ANKRD28: variants seen among roughly 807,000 people sequenced by gnomAD.
The protein encoded by ANKRD28 is serine/threonine-protein phosphatase 6 regulatory ankyrin repeat subunit A.
Under a neutral mutation model 126.5 loss-of-function variants are expected in ANKRD28, and 44 were observed. The ratio of observed to expected loss-of-function variants is 0.35; its 90% CI spans 0.27 to 0.45. The LOEUF is 0.45. Ranked by LOEUF, ANKRD28 falls within the 20% of genes least tolerant of loss-of-function variation. The pLI is 1.00. For synonymous variants in ANKRD28, 442 were observed against 468.5 expected (o/e 0.94, Z 0.73); for missense variants, 1,110 against 1,316.6 (o/e 0.84, Z 2.43).
intron 21 of ANKRD28, among the ~76,000 whole-genome samples, chr3:15,682,560 T>C (rs1441514168): frequency 6.6e-6 from 1 of 152,214 alleles, no homozygotes; most frequent in Non-Finnish European, 1.5e-5. Flanking sequence ...ATAATAAGTA[T>C]TCTTAAGTTC....
Position 15,814,378 on chromosome 3 carries a change from T to C in ANKRD28, c.28-19072A>G, listed in dbSNP as rs1473010592. Reference sequence around the variant, plus strand: ...TAGAAATTAAGGGCTATGTTATTTATAAATAACTAGTACCTTAACAAAACA... The same window carrying C: ...TAGAAATTAAGGGCTATGTTATTTACAAATAACTAGTACCTTAACAAAACA... On this transcript the variant is annotated intron_variant, in intron 1 of 27. Transcript: ENST00000399451. The surrounding 1 kb of genome is among the most constrained non-coding windows in gnomAD (Gnocchi z 4.7). The C allele has an allele frequency of 1.2e-6, 1 of 800,284 alleles. No individual in the cohort carries two copies. Among genetic ancestry groups the C allele is most frequent in the African/African-American group, 1.9e-5 (1 of 53,924 alleles). 49.6% of individuals were successfully genotyped at this position (800,284 alleles called of 1,614,324 possible). A position where few individuals can be genotyped will look rare whatever the true frequency, so the allele number is the denominator to read the frequency against.
intron 19 of ANKRD28, 41 bp downstream of exon 19, chr3:15,686,181 T>C: frequency 6.3e-7 from 1 of 1,592,412 alleles, no homozygotes; most frequent in South Asian, 1.1e-5. Flanking sequence ...GTTTTCGAAA[T>C]ACGCCCTTCT....
rs193207462 is a variant in ANKRD28 at position 15,809,003 on chromosome 3, T to C, written c.28-13697A>G. Among the ~76,000 whole-genome samples, 536 of 152,230 alleles carry C rather than the reference T, an allele frequency of 3.5e-3. 10 individuals are homozygous for C. The highest frequency in any genetic ancestry group is 0.028 in the Admixed American group (428 of 15,280). On this transcript the variant is annotated intron_variant, in intron 1 of 27. Coordinates refer to the ANKRD28 transcript ENST00000399451. ...TCTACACACACCCCCCTTTTTTTTT[T>C]CTAGCTCCTTTTAATCTCTTTTTGG...
intron 3 of ANKRD28, among the ~76,000 whole-genome samples, chr3:15,763,615 A>G (rs1394094252): frequency 1.3e-5 from 2 of 152,232 alleles, no homozygotes; most frequent in Non-Finnish European, 2.9e-5. Flanking sequence ...ATGATGCGAC[A>G]TCTGAGCAAG....
At chr3:15,849,970 G>A (rs189891416) in intron 1 of ANKRD28, among the ~76,000 whole-genome samples, 51 of 151,672 alleles carry the variant, frequency 3.4e-4, no homozygotes, top group African/African-American at 1.2e-3. Context: ...GGTTGGAAGC[G>A]ATCTCTGACT....
intron 2 of ANKRD28, among the ~76,000 whole-genome samples, chr3:15,786,290 T>A (rs147330097): frequency 1.3e-5 from 2 of 152,200 alleles, no homozygotes; most frequent in East Asian, 3.9e-4. Flanking sequence ...CAGTAAAGTG[T>A]ATGAGAAATG....
chr3:15,766,392 A>C, intron 2 of ANKRD28, 80 bp from the exon 3 acceptor site: 1 of 966,510 alleles, frequency 1.0e-6, no homozygotes, highest in Non-Finnish European at 1.6e-6. Flanking sequence ...CACAACAACA[A>C]CCCCTCCCCC....
intron 1 of ANKRD28, among the ~76,000 whole-genome samples, chr3:15,827,559 A>C (rs1320223620): frequency 2.0e-5 from 3 of 152,156 alleles, no homozygotes; most frequent in African/African-American, 7.2e-5. Flanking sequence ...CCCCAACATC[A>C]TTTGTTGAAA....
At chr3:15,827,585 C>T (rs189853985) in intron 1 of ANKRD28, among the ~76,000 whole-genome samples, 1 of 152,124 alleles carries the variant, frequency 6.6e-6, no homozygotes, top group Non-Finnish European at 1.5e-5. Flanking sequence ...GTCTTTTGCC[C>T]CCATTGAATG....
intron 5 of ANKRD28, among the ~76,000 whole-genome samples, chr3:15,736,221 T>C (rs1010543974): frequency 3.3e-5 from 5 of 152,240 alleles, no homozygotes; most frequent in Non-Finnish European, 7.3e-5. Context: ...ATGTAACTTG[T>C]ATTAAAATTG....
At position 15,704,170 on chromosome 3, in the gene ANKRD28, C is replaced by CAT. The variant is rs1305732125; in HGVS notation, c.1547+3752_1547+3753dup. 2.0e-5 allele frequency among the ~76,000 whole-genome samples: 3 copies of CAT among 152,008 alleles called. No individual in the cohort carries two copies. In the East Asian group the frequency reaches 5.8e-4, roughly 29 times the overall value. ...TTAATATGTTCATTGCGATAGCAGC[C>CAT]ATATATTTGTTTGCTGGATTCTTAC... On this transcript the variant is annotated intron_variant, in intron 14 of 27. Coordinates refer to ENST00000683139, the MANE Select transcript of ANKRD28 (RefSeq NM_001349278.2).
chr3:15,798,830 A>C (rs1302189335), upstream of ANKRD28, among the ~76,000 whole-genome samples: 1 of 152,110 alleles, frequency 6.6e-6, no homozygotes, highest in South Asian at 2.1e-4. Context: ...GAAAACTTAC[A>C]AAGAAAATAC....
chr3:15,706,441 A>G (rs2071416940), intron 14 of ANKRD28, among the ~76,000 whole-genome samples: 1 of 152,176 alleles, frequency 6.6e-6, no homozygotes, highest in South Asian at 2.1e-4. Context: ...ATGGCTGCAT[A>G]GTATTCCATG....
intron 1 of ANKRD28, among the ~76,000 whole-genome samples, chr3:15,820,302 T>G (rs925931742): frequency 2.0e-5 from 3 of 152,206 alleles, no homozygotes; most frequent in Non-Finnish European, 4.4e-5. Context: ...ATATGCATAT[T>G]GACAATTGCT....
At chr3:15,802,951 T>C (rs997877550), upstream of ANKRD28, among the ~76,000 whole-genome samples, 4 of 152,030 alleles carry the variant, frequency 2.6e-5, no homozygotes, top group East Asian at 7.7e-4. Flanking sequence ...TGACTGCAAC[T>C]GTGATAAATT....
chr3:15,859,384 C>T, exon 1 of ANKRD28: 3 of 1,528,890 alleles, frequency 2.0e-6, no homozygotes, highest in Non-Finnish European at 2.6e-6. Context: ...TACCTGGTCA[C>T]GGAGTTTGAG....
At chr3:15,855,990 A>G (rs978251123) in intron 1 of ANKRD28, among the ~76,000 whole-genome samples, 1 of 152,244 alleles carries the variant, frequency 6.6e-6, no homozygotes, top group Non-Finnish European at 1.5e-5. Flanking sequence ...TATCTAGAAG[A>G]AAACTGTATT....
intron 1 of ANKRD28, among the ~76,000 whole-genome samples, chr3:15,850,318 C>T (rs2061626301): frequency 6.7e-6 from 1 of 148,326 alleles, no homozygotes; most frequent in East Asian, 2.0e-4. Context: ...GGATCACAGC[C>T]CTAAATGTAA....
chr3:15,794,641 T>C (rs908608210), intron 2 of ANKRD28, among the ~76,000 whole-genome samples: 1 of 152,196 alleles, frequency 6.6e-6, no homozygotes, highest in Non-Finnish European at 1.5e-5. Flanking sequence ...CTGTCCATCA[T>C]GTCAGCACTG....
Sources: gnomAD v4.1 joint callset for allele counts (sites outside exome capture counted in the v4.1 genomes callset) on GRCh38, gnomAD v4.1.1 for gene constraint, Gnocchi (gnomAD v3.1) non-coding constraint, MANE v1.5 for transcripts, NCBI Gene and HGNC (gene_info 2026-07-23, HGNC 2026-07-21) for gene names.